The following MIOS variants were observed in gnomAD, a reference collection of about 807,000 sequenced individuals.
MIOS encodes the protein GATOR2 complex protein MIOS.
In MIOS, 52 loss-of-function variants were observed where a neutral mutation model predicts 96.9. The observed-to-expected ratio is 0.54, with a 90% CI of 0.43 to 0.68. The LOEUF (loss-of-function observed/expected upper bound fraction) is 0.68, where lower values mean the gene tolerates loss of function less well. Among genes scored for constraint, MIOS ranks in the 30% least tolerant of loss-of-function variants. The pLI is 0.00. For missense variants in MIOS, 1,005 were observed against 1,052.8 expected, an observed-to-expected ratio of 0.95 and a Z score of 0.63; for synonymous variants, 397 against 359.5, an observed-to-expected ratio of 1.10 and a Z score of -1.18.
chr7:7,580,105 T>C (rs1187473784), intron 5 of MIOS, among the ~76,000 whole-genome samples: 1 of 152,328 alleles, frequency 6.6e-6, no homozygotes, highest in Admixed American at 6.5e-5. Flanking sequence ...ATAGGAGAGA[T>C]ATGAAAATAC....
At chr7:7,584,942 G>T (rs1038865152) in intron 6 of MIOS, among the ~76,000 whole-genome samples, 4 of 152,150 alleles carry the variant, frequency 2.6e-5, no homozygotes, top group African/African-American at 4.8e-5. Context: ...ATGCAGTTCT[G>T]TGGTAATTCT....
intron 9 of MIOS, among the ~76,000 whole-genome samples, chr7:7,592,284 T>C (rs6463705): frequency 0.95 from 145,176 of 152,188 alleles, 69,362 homozygotes; most frequent in East Asian, 1. Flanking sequence ...CCGCTGTGCC[T>C]GGCCCAGATT....
Position 7,573,809 on chromosome 7 carries a change from A to G in MIOS, c.1294+40A>G. On this transcript the variant is annotated intron_variant, in intron 4 of 12. Transcript: ENST00000340080. This position sits in a 1 kb window ranked among gnomAD's most constrained non-coding sequence, Gnocchi z 5.0. ...GTGAATTTTGTGAGGTGAATCAGGTAGAAATGTTCTTGAAGTTTGCCAAAA... is the reference window on the plus strand; with the variant it reads ...GTGAATTTTGTGAGGTGAATCAGGTGGAAATGTTCTTGAAGTTTGCCAAAA... 4 of 1,522,320 alleles carry G rather than the reference A, an allele frequency of 2.6e-6. No individual in the cohort carries two copies. Among genetic ancestry groups the G allele is most frequent in the Non-Finnish European group, 3.5e-6 (4 of 1,135,170 alleles). The allele number at this position is 1,522,320 out of a possible 1,614,324, so 94.3% of individuals were successfully genotyped here.
intron 5 of MIOS, among the ~76,000 whole-genome samples, chr7:7,578,952 C>G (rs1202656130): frequency 2.0e-5 from 3 of 152,174 alleles, no homozygotes; most frequent in Admixed American, 6.5e-5. Flanking sequence ...CTCAAGTGAT[C>G]TGCCTGCCTC....
At chr7:7,589,190 TAATA>T (rs1350961375) in intron 8 of MIOS, among the ~76,000 whole-genome samples, 7 of 152,284 alleles carry the variant, frequency 4.6e-5, no homozygotes, top group African/African-American at 1.4e-4. Flanking sequence ...ATTATCAACA[TAATA>T]AATGCCTTTT....
rs1403760451 is a variant in MIOS at position 7,607,962 on chromosome 7, T to TA, written c.*870_*871insA. 6.6e-6 allele frequency: 1 copy of TA among 152,166 alleles called. No homozygotes were observed. Among genetic ancestry groups the TA allele is most frequent in the South Asian group, 2.1e-4 (1 of 4,836 alleles). The allele number at this position is 152,166 out of a possible 1,614,324, so 9.4% of individuals were successfully genotyped here. ...TACTGCATACAAAGTCTATGCAAGA[T>TA]TATATGTAACTAGCCATTTAGTATA... is the stretch of plus-strand genomic sequence containing the variant. On this transcript the variant is annotated 3_prime_UTR_variant, in exon 13 of 13. Transcript: ENST00000340080.
intron 11 of MIOS, among the ~76,000 whole-genome samples, chr7:7,596,849 A>T (rs1235786792): frequency 6.6e-6 from 1 of 152,200 alleles, no homozygotes; most frequent in Non-Finnish European, 1.5e-5. Flanking sequence ...TTTTGACATC[A>T]TTAAAGCACT....
At chr7:7,574,745 A>G (rs1344692841) in intron 5 of MIOS, among the ~76,000 whole-genome samples, 5 of 151,934 alleles carry the variant, frequency 3.3e-5, no homozygotes, top group Admixed American at 1.3e-4. Flanking sequence ...GAAAATTGGT[A>G]TGGTAAACTA....
chr7:7,578,856 G>A (rs1334295519), intron 5 of MIOS, among the ~76,000 whole-genome samples: 6 of 151,916 alleles, frequency 3.9e-5, no homozygotes, highest in African/African-American at 1.2e-4. Flanking sequence ...GATTACAGGC[G>A]CATGCCATTA....
At chr7:7,568,842 G>A (rs184957878) in intron 3 of MIOS, among the ~76,000 whole-genome samples, 7 of 152,306 alleles carry the variant, frequency 4.6e-5, no homozygotes, top group Non-Finnish European at 7.4e-5. Flanking sequence ...GATTCTGTAT[G>A]AATTACTGTC....
At chr7:7,600,089 A>G (rs1291117036) in intron 11 of MIOS, among the ~76,000 whole-genome samples, 1 of 152,146 alleles carries the variant, frequency 6.6e-6, no homozygotes, top group African/African-American at 2.4e-5. Flanking sequence ...GGATGATGAA[A>G]TAATCCGTAC....
In MIOS at chr7:7,573,897, A is replaced by G. The variant is rs1648596915; in HGVS notation, c.1294+128A>G. On this transcript the variant is annotated intron_variant, in intron 4 of 12. Transcript: ENST00000340080. The surrounding 1 kb of genome is among the most constrained non-coding windows in gnomAD (Gnocchi z 5.0). ...ATACAAGTTACATAATACTAACATT[A>G]TAAAGTAAAATTGTTCTAAACTTTC... 1 of 1,049,508 alleles carries G rather than the reference A, an allele frequency of 9.5e-7. No individual in the cohort carries two copies. Among genetic ancestry groups the G allele is most frequent in the Admixed American group, 2.4e-5 (1 of 41,084 alleles). The allele number at this position is 1,049,508 out of a possible 1,614,324, so 65.0% of individuals were successfully genotyped here.
At chr7:7,567,221 C>CTGGCCGG (rs1783171314) in intron 1 of MIOS, 149 bp downstream of exon 1, 1 of 152,288 alleles carries the variant, frequency 6.6e-6, no homozygotes, top group South Asian at 2.1e-4. Context: ...CGGCCGGCCG[C>CTGGCCGG]CTGGCCGGGC....
At chr7:7,605,798 TA>T in intron 11 of MIOS, 143 bp from the exon 12 acceptor site, 1 of 754,406 alleles carries the variant, frequency 1.3e-6, no homozygotes, top group Non-Finnish European at 2.0e-6. Flanking sequence ...TCGCTTCATC[TA>T]AACTAGAACC....
At chr7:7,601,301 T>C (rs1583658280) in intron 11 of MIOS, among the ~76,000 whole-genome samples, 1 of 143,820 alleles carries the variant, frequency 7.0e-6, no homozygotes, top group Non-Finnish European at 1.5e-5. Context: ...TTTGAAAAGA[T>C]CAACAAAATT....
At position 7,588,497 on chromosome 7, in the gene MIOS, G is replaced by A; in HGVS notation, c.1819-1G>A. ...CTCCTTGCTTTTTCTCTTCTTTCCA[G>A]TATGAAAACAAAGTTGCAGTACGTG... On this transcript the variant is annotated splice_acceptor_variant, in intron 7 of 12. Coordinates refer to ENST00000340080, the MANE Select transcript of MIOS (RefSeq NM_019005.4). LOFTEE classifies it high-confidence loss of function. The A allele has an allele frequency of 6.4e-7, 1 of 1,571,302 alleles. No individual in the cohort carries two copies. Among genetic ancestry groups the A allele is most frequent in the Non-Finnish European group, 8.6e-7 (1 of 1,156,620 alleles).
At position 7,595,116 on chromosome 7, in the gene MIOS, C is replaced by G; in HGVS notation, c.2180C>G (p.Ser727Cys). 1 of 1,612,932 alleles carries G rather than the reference C, an allele frequency of 6.2e-7. No homozygotes were observed. The highest frequency in any genetic ancestry group is 8.5e-7 in the Non-Finnish European group (1 of 1,179,674). The change falls in exon 10 of 13, where the codon TCC becomes TGC. Residue 727 changes from serine to cysteine, a missense_variant. Coordinates refer to ENST00000340080, the MANE Select transcript of MIOS (RefSeq NM_019005.4). ...CACAGGAGTAAGTTGGATCCCAGTT[C>G]CAAGCCTTTAGCACAAGTAAGTACA... ...DIHRSKLDPSSKPLAQVFVSC... is the reference protein window; with the variant it reads ...DIHRSKLDPSCKPLAQVFVSC...
At chr7:7,596,642 ATATC>A (rs1784211590) in intron 11 of MIOS, among the ~76,000 whole-genome samples, 181 bp downstream of exon 11, 1 of 152,204 alleles carries the variant, frequency 6.6e-6, no homozygotes, top group South Asian at 2.1e-4. Context: ...AGCAAAATCT[ATATC>A]TATTGATACT....
Position 7,573,610 on chromosome 7 carries a change from G to C in MIOS, c.1135G>C (p.Glu379Gln). Residue 379 changes from glutamate (E) to glutamine (Q), a missense_variant, in exon 4 of 13, where the codon GAA becomes CAA. Glu to Gln is a conservative substitution (Grantham distance 29, BLOSUM62 2). This residue lies in a region of MIOS where 865 missense variants were observed against 887.9 expected (regional missense o/e 0.97). Coordinates refer to ENST00000340080, the MANE Select transcript of MIOS (RefSeq NM_019005.4). This position sits in a 1 kb window ranked among gnomAD's most constrained non-coding sequence, Gnocchi z 5.0. ...TGGTCGTCATTTATATGAATGTACG[G>C]AAGAAGAAAATGATAATTCTTTAGA... ...ACGRHLYECTEEENDNSLEKD... is the reference protein window; with the variant it reads ...ACGRHLYECTQEENDNSLEKD... The C allele has an allele frequency of 6.2e-7, 1 of 1,614,000 alleles. No individual in the cohort carries two copies. The highest frequency in any genetic ancestry group is 1.3e-5 in the African/African-American group (1 of 75,016).
Sources: allele counts gnomAD v4.1 joint callset (sites outside exome capture counted in the v4.1 genomes callset), GRCh38; gene constraint gnomAD v4.1.1; regional missense constraint gnomAD v4.1.1; non-coding constraint Gnocchi (gnomAD v3.1); transcripts MANE v1.5; gene names NCBI Gene and HGNC (gene_info 2026-07-23, HGNC 2026-07-21).